The following RYR3 variants were observed in gnomAD, a reference collection of about 807,000 sequenced individuals.
RYR3 encodes the protein ryanodine receptor 3, also known as brain ryanodine receptor-calcium release channel.
A neutral mutation model predicts 584.3 loss-of-function variants in RYR3; 207 were observed. The ratio of observed to expected loss-of-function variants is 0.35; its 90% CI spans 0.32 to 0.40. The LOEUF is 0.40. RYR3 is among the 10% of genes least tolerant of loss of function. The pLI is 1.00. For synonymous variants in RYR3, 2,416 were observed against 2,248.5 expected, an observed-to-expected ratio of 1.07 and a Z score of -2.11; for missense variants, 5,616 against 6,089.2, an observed-to-expected ratio of 0.92 and a Z score of 2.59.
chr15:33,319,919 A>G (rs1157311998), intron 1 of RYR3, among the ~76,000 whole-genome samples: 1 of 152,184 alleles, frequency 6.6e-6, no homozygotes, highest in Non-Finnish European at 1.5e-5. Context: ...TCAGGTACCT[A>G]CAGATTGGAA....
At chr15:33,597,618 C>CAAAAAA (rs3085330) in intron 16 of RYR3, among the ~76,000 whole-genome samples, 2 of 128,286 alleles carry the variant, frequency 1.6e-5, no homozygotes, top group African/African-American at 5.6e-5. Context: ...GACTCTGTCT[C>CAAAAAA]AAAAAAAAAA....
rs2056006785 is a variant in RYR3, at chr15:33,543,603, G to A, written c.647-19G>A. 1.4e-6 allele frequency: 2 copies of A among 1,458,468 alleles called. No homozygotes were observed. The highest frequency in any genetic ancestry group is 1.9e-6 in the Non-Finnish European group (2 of 1,038,234). The allele number at this position is 1,458,468 out of a possible 1,614,324, so 90.3% of individuals were successfully genotyped here. A position where few individuals can be genotyped will look rare whatever the true frequency, so the allele number is the denominator to read the frequency against. ...ATTAAACTTCCCATCATTCACAGTA[G>A]AATATAATTCTCTTACAGGATACCT... On this transcript the variant is annotated intron_variant, in intron 7 of 103. Transcript: ENST00000634891.
chr15:33,435,311 T>C (rs896289819), intron 1 of RYR3, among the ~76,000 whole-genome samples: 10 of 151,174 alleles, frequency 6.6e-5, no homozygotes, highest in African/African-American at 2.5e-4. Context: ...TCTCTGTATT[T>C]TTCTGGAACT....
intron 3 of RYR3, among the ~76,000 whole-genome samples, chr15:33,504,566 T>C (rs770039146): frequency 7.2e-5 from 11 of 152,188 alleles, no homozygotes; most frequent in Non-Finnish European, 1.5e-4. Context: ...CTCCCGTTTT[T>C]CCACTCAGCA....
intron 1 of RYR3, among the ~76,000 whole-genome samples, chr15:33,366,508 A>G (rs1348562409): frequency 1.3e-5 from 2 of 152,226 alleles, no homozygotes; most frequent in Non-Finnish European, 2.9e-5. Flanking sequence ...AATTTCAAAA[A>G]GCTAAGAGAA....
intron 1 of RYR3, among the ~76,000 whole-genome samples, chr15:33,418,693 G>A (rs978978425): frequency 9.2e-5 from 14 of 152,212 alleles, no homozygotes; most frequent in Middle Eastern, 3.4e-3. Flanking sequence ...GTGTAACTAA[G>A]GAACTGGGGA....
At position 33,731,536 on chromosome 15, in the gene RYR3, C is replaced by A. The variant is rs763965297; in HGVS notation, c.7266C>A (p.Leu2422=). 32 of 1,613,764 alleles carry A rather than the reference C, an allele frequency of 2.0e-5. No individual in the cohort carries two copies. The Admixed American group carries it at 3.0e-4, about 15-fold the overall frequency. ...ATAGGTATATATGTTCTGCTGTGCT[C>A]CCGCTCCTCACAAGATGTGCCCCTC... ...ALNRYICSAV[L]PLLTRCAPLF... is the part of the protein sequence containing the mutation. The change falls in exon 48 of 104, where the codon CTC becomes CTA. Residue 2422 remains leucine, a synonymous_variant. Coordinates refer to ENST00000634891, the MANE Select transcript of RYR3 (RefSeq NM_001036.6).
At chr15:33,385,121 A>C (rs931651394) in intron 1 of RYR3, among the ~76,000 whole-genome samples, 2 of 152,156 alleles carry the variant, frequency 1.3e-5, no homozygotes, top group Admixed American at 6.5e-5. Flanking sequence ...TTATTCCTCT[A>C]CTTTTTCATC....
At chr15:33,490,808 C>A (rs74762755) in intron 2 of RYR3, among the ~76,000 whole-genome samples, 2,181 of 150,738 alleles carry the variant, frequency 0.014, 40 homozygotes, top group African/African-American at 0.047. Flanking sequence ...ATTTTTACAA[C>A]CTTCTCTGGT....
chr15:33,507,846 G>A (rs1016548162), intron 3 of RYR3, among the ~76,000 whole-genome samples: 8 of 152,038 alleles, frequency 5.3e-5, no homozygotes, highest in African/African-American at 1.7e-4. Context: ...AATCTATCTC[G>A]TAGGACTGGG....
chr15:33,671,137 C>CATGATGAAACAAGAT (rs2063814093), intron 38 of RYR3, among the ~76,000 whole-genome samples: 1 of 152,060 alleles, frequency 6.6e-6, no homozygotes, highest in Non-Finnish European at 1.5e-5. Context: ...TAGATGACTC[C>CATGATGAAACAAGAT]TACCGTTTTG....
intron 1 of RYR3, among the ~76,000 whole-genome samples, chr15:33,342,583 G>A (rs147833258): frequency 3.1e-4 from 46 of 150,366 alleles, no homozygotes; most frequent in Non-Finnish European, 4.7e-4. Flanking sequence ...CTAGTTTCAC[G>A]TATATAATAT....
At chr15:33,861,003 G>C (rs1026382347) in intron 101 of RYR3, 75 bp from the exon 102 acceptor site, 14 of 1,145,750 alleles carry the variant, frequency 1.2e-5, no homozygotes, top group Admixed American at 4.0e-5. Flanking sequence ...CCTTCAATTC[G>C]ATAGAATCAT....
rs573022283 is a variant in RYR3 at position 33,635,838 on chromosome 15, C to G, written c.3381+19C>G. ...CAACAGGGTGAGTTTATATATCTAG[C>G]AAACACCCATCCTCAGACCAAGTTT... On this transcript the variant is annotated intron_variant, in intron 26 of 103. Coordinates refer to ENST00000634891, the MANE Select transcript of RYR3 (RefSeq NM_001036.6). The G allele has an allele frequency of 6.3e-7, 1 of 1,594,930 alleles. No homozygotes were observed. Among genetic ancestry groups the G allele is most frequent in the African/African-American group, 1.3e-5 (1 of 74,756 alleles).
At chr15:33,423,464 G>GT (rs2044380781) in intron 1 of RYR3, among the ~76,000 whole-genome samples, 1 of 152,168 alleles carries the variant, frequency 6.6e-6, no homozygotes. Context: ...GTAAGCATCT[G>GT]TTTGAGTTCC....
chr15:33,448,842 C>G (rs555559345), intron 1 of RYR3, among the ~76,000 whole-genome samples: 1 of 151,986 alleles, frequency 6.6e-6, no homozygotes, highest in Non-Finnish European at 1.5e-5. Context: ...GGCTCTGTCT[C>G]GGTTGCCCCT....
At chr15:33,464,615 ATATATT>A (rs1205402842) in intron 1 of RYR3, among the ~76,000 whole-genome samples, 1 of 150,202 alleles carries the variant, frequency 6.7e-6, no homozygotes, top group African/African-American at 2.4e-5. Flanking sequence ...AATATAAACA[ATATATT>A]TAATTGATAT....
intron 57 of RYR3, among the ~76,000 whole-genome samples, chr15:33,754,644 C>T (rs945931146): frequency 2.6e-5 from 4 of 152,186 alleles, no homozygotes; most frequent in Admixed American, 6.5e-5. Flanking sequence ...AGAGGCTGGG[C>T]GCGGTGGCCG....
intron 98 of RYR3, 161 bp downstream of exon 98, chr15:33,855,073 T>C (rs1325883811): frequency 8.6e-6 from 5 of 579,360 alleles, no homozygotes; most frequent in Non-Finnish European, 1.3e-5. Flanking sequence ...TTTTGCAAAA[T>C]TGTAGCCAAT....
Sources: allele counts gnomAD v4.1 joint callset (sites outside exome capture counted in the v4.1 genomes callset), GRCh38; gene constraint gnomAD v4.1.1; transcripts MANE v1.5; gene names NCBI Gene and HGNC (gene_info 2026-07-23, HGNC 2026-07-21).